Variants in TJAP1 observed in about 807,000 individuals in gnomAD.
TJAP1 encodes the protein tight junction associated protein 1.
In TJAP1, 27 loss-of-function variants were observed where a neutral mutation model predicts 42.0. The observed-to-expected ratio is 0.64, with a 90% confidence interval of 0.47 to 0.89. TJAP1 has a LOEUF of 0.89. Ranked by LOEUF, TJAP1 falls within the 40% of genes least tolerant of loss-of-function variation. The pLI is 0.00. For synonymous variants in TJAP1, 257 were observed against 288.4 expected, an observed-to-expected ratio of 0.89 and a Z score of 1.10; for missense variants, 712 against 726.9, an observed-to-expected ratio of 0.98 and a Z score of 0.24.
chr6:43,483,284 G>A (rs377447321), intron 2 of TJAP1, among the ~76,000 whole-genome samples: 21 of 152,326 alleles, frequency 1.4e-4, no homozygotes, highest in African/African-American at 5.1e-4. Context: ...CATCTGTCCT[G>A]TGCTTCATTG....
At position 43,492,001 on chromosome 6, in the gene TJAP1, G is replaced by A. The variant is rs1484604016; in HGVS notation, c.-121-5880G>A. 1.3e-5 allele frequency among the ~76,000 whole-genome samples: 2 copies of A among 152,202 alleles called. No individual in the cohort carries two copies. Among genetic ancestry groups the A allele is most frequent in the Non-Finnish European group, 2.9e-5 (2 of 68,038 alleles). On this transcript the variant is annotated intron_variant, in intron 2 of 10. Coordinates refer to ENST00000372449, the Ensembl canonical transcript of TJAP1. The surrounding 1 kb of genome is among the most constrained non-coding windows in gnomAD (Gnocchi z 4.2). ...CTTCACTTTGGCCTTTCTTAGGAGA[G>A]GGCATGGGGTCTAATGTCAAATGCA... is the stretch of plus-strand genomic sequence containing the variant.
At chr6:43,499,495 C>A (rs1197735967) in intron 4 of TJAP1, among the ~76,000 whole-genome samples, 1 of 152,244 alleles carries the variant, frequency 6.6e-6, no homozygotes, top group Non-Finnish European at 1.5e-5. Flanking sequence ...GTGCTACAGC[C>A]ACTTCCCACC....
chr6:43,504,379 T>C, intron 10 of TJAP1: 1 of 244,320 alleles, frequency 4.1e-6, no homozygotes, highest in Non-Finnish European at 8.0e-6. Flanking sequence ...CCTCCCAAAG[T>C]GCTGGGATTA....
rs367754806 is a variant in TJAP1 at position 43,504,160 on chromosome 6, GC to G, written c.579+455del. On this transcript the variant is annotated intron_variant, in intron 10 of 10. Transcript: ENST00000372449. ...GACGGAGTCTTGCTCTGTCACCTAG[GC>G]TGGAGTGCAGTGGCACAATCTCGGC... is the stretch of plus-strand genomic sequence containing the variant. The G allele has an allele frequency of 3.2e-3, 911 of 284,844 alleles. 8 individuals carry two copies. The highest frequency in any genetic ancestry group is 0.018 in the African/African-American group (812 of 45,286). The allele number at this position is 284,844 out of a possible 1,614,324, so 17.6% of individuals were successfully genotyped here.
Position 43,505,565 on chromosome 6 carries a change from G to T in TJAP1, c.1384G>T (p.Ala462Ser), listed in dbSNP as rs61745288. Residue 462 changes from alanine to serine, a missense_variant, in exon 11 of 11, where the codon GCC becomes TCC. Ala to Ser is a moderately conservative substitution (Grantham distance 99, BLOSUM62 1). This residue lies in a region of TJAP1 where 549 missense variants were observed against 528.2 expected (regional missense o/e 1.04). Transcript: ENST00000372449. The surrounding 1 kb of genome is among the most constrained non-coding windows in gnomAD (Gnocchi z 5.5). The stretch of plus-strand genomic sequence containing the variant: ...AGATGAGGTGGTCCAGGCACCTTCT[G>T]CCCGACCCGAAGAGAGTGAGCTTTT... The T allele has an allele frequency of 2.5e-6, 4 of 1,613,762 alleles. No homozygotes were observed. The South Asian group carries it at 4.4e-5, about 18-fold the overall frequency.
At chr6:43,501,674 G>T in exon 6 of TJAP1, 1 of 1,189,274 alleles carries the variant, frequency 8.4e-7, no homozygotes, top group African/African-American at 1.5e-5. Context: ...CAAATTTAAG[G>T]ATAAGTTCCG....
rs926414373 is a variant in TJAP1 at position 43,491,537 on chromosome 6, G to A, written c.-121-6344G>A. On this transcript the variant is annotated intron_variant, in intron 2 of 10. Coordinates refer to ENST00000372449, the Ensembl canonical transcript of TJAP1. This position sits in a 1 kb window ranked among gnomAD's most constrained non-coding sequence, Gnocchi z 4.6. Reference sequence around the variant, plus strand: ...ACTCCCGACCTCAGGTGATCTGCCCGCCTTGGCCTCCCAAAGTGTTGGGAT... The same window carrying A: ...ACTCCCGACCTCAGGTGATCTGCCCACCTTGGCCTCCCAAAGTGTTGGGAT... Among the ~76,000 whole-genome samples, 4 of 152,104 alleles carry A rather than the reference G, an allele frequency of 2.6e-5. No individual in the cohort carries two copies. The highest frequency in any genetic ancestry group is 7.2e-5 in the African/African-American group (3 of 41,414).
At chr6:43,502,088 T>TCTCC (rs1791018596) in intron 6 of TJAP1, among the ~76,000 whole-genome samples, 195 bp from the exon 7 acceptor site, 1 of 145,664 alleles carries the variant, frequency 6.9e-6, no homozygotes, top group Non-Finnish European at 1.5e-5. Flanking sequence ...TCTCTCTCTC[T>TCTCC]CTCTCTCTCT....
intron 7 of TJAP1, 113 bp downstream of exon 7, chr6:43,502,462 T>A: frequency 6.7e-7 from 1 of 1,491,010 alleles, no homozygotes; most frequent in South Asian, 1.2e-5. Flanking sequence ...GATGGTGGGA[T>A]GGGGCAGTGG....
At position 43,505,737 on chromosome 6, in the gene TJAP1, C is replaced by A; in HGVS notation, c.1556C>A (p.Ala519Asp). The change falls in exon 11 of 11, where the codon GCC becomes GAC. Residue 519 changes from alanine to aspartate, a missense_variant. This residue lies in a region of TJAP1 where 549 missense variants were observed against 528.2 expected (regional missense o/e 1.04). Transcript: ENST00000372449. The surrounding 1 kb of genome is among the most constrained non-coding windows in gnomAD (Gnocchi z 5.5). Reference sequence around the variant, plus strand: ...GGCACTTCCCACACCGAGGGCAGGGCCTGGCCACTCCCCAGCTCCAGTCGC... The same window carrying A: ...GGCACTTCCCACACCGAGGGCAGGGACTGGCCACTCCCCAGCTCCAGTCGC... 6.5e-7 allele frequency: 1 copy of A among 1,538,332 alleles called. No homozygotes were observed. The highest frequency in any genetic ancestry group is 8.7e-7 in the Non-Finnish European group (1 of 1,146,252).
chr6:43,503,749 G>A lies in TJAP1; in HGVS notation c.579+43G>A, dbSNP rs375826513. The stretch of plus-strand genomic sequence containing the variant: ...CCTCCCTGCCCACATAGACCATTCC[G>A]GCCACTGTAGGACTCCTCTAACTCC... On this transcript the variant is annotated intron_variant, in intron 10 of 10. Transcript: ENST00000372449. The A allele has an allele frequency of 4.5e-6, 7 of 1,548,188 alleles. No individual in the cohort carries two copies. The African/African-American group carries it at 5.4e-5, about 12-fold the overall frequency.
intron 8 of TJAP1, 32 bp downstream of exon 8, chr6:43,502,649 G>T (rs1791212191): frequency 6.4e-7 from 1 of 1,551,462 alleles, no homozygotes; most frequent in Non-Finnish European, 8.7e-7. Context: ...CTTCTCCCTT[G>T]CCCTGGCCTT....
At chr6:43,487,202 C>T (rs1786731049) in intron 2 of TJAP1, among the ~76,000 whole-genome samples, 1 of 152,168 alleles carries the variant, frequency 6.6e-6, no homozygotes, top group Non-Finnish European at 1.5e-5. Flanking sequence ...TGAGAAGCTT[C>T]TGTGCTGTGG....
chr6:43,479,453 G>A (rs571887235), intron 2 of TJAP1, among the ~76,000 whole-genome samples: 12 of 152,312 alleles, frequency 7.9e-5, no homozygotes, highest in African/African-American at 2.4e-4. Flanking sequence ...AATTGTAATT[G>A]TAATCACCCA....
rs751150485 is a variant in TJAP1 at position 43,505,380 on chromosome 6, C to T, written c.1199C>T (p.Pro400Leu). Reference sequence around the variant, plus strand: ...CCAGCACCCCTAACACTCAGTGCCCCAGCTAGCTCTGCCAGCTCTGAAGAG... The same window carrying T: ...CCAGCACCCCTAACACTCAGTGCCCTAGCTAGCTCTGCCAGCTCTGAAGAG... Residue 400 changes from proline (P) to leucine (L), a missense_variant, in exon 11 of 11, where the codon CCA becomes CTA. Pro to Leu is a moderately conservative substitution (Grantham distance 98, BLOSUM62 -3). Coordinates refer to ENST00000372449, the Ensembl canonical transcript of TJAP1. The surrounding 1 kb of genome is among the most constrained non-coding windows in gnomAD (Gnocchi z 5.5). 1.2e-6 allele frequency: 2 copies of T among 1,610,574 alleles called. No homozygotes were observed. The highest frequency in any genetic ancestry group is 1.3e-5 in the African/African-American group (1 of 74,904).
In TJAP1 at chr6:43,503,717, C is replaced by T; in HGVS notation, c.579+11C>T. ...CACAAGTTTGCCGATGTGAGTAGAA[C>T]TCACCCCCTCCCTGCCCACATAGAC... On this transcript the variant is annotated intron_variant, in intron 10 of 10. Coordinates refer to ENST00000372449, the Ensembl canonical transcript of TJAP1. The T allele has an allele frequency of 6.2e-7, 1 of 1,612,910 alleles. No homozygotes were observed. Among genetic ancestry groups the T allele is most frequent in the Non-Finnish European group, 8.5e-7 (1 of 1,178,902 alleles).
intron 2 of TJAP1, chr6:43,497,137 A>G (rs1175733806): frequency 1.3e-5 from 2 of 152,266 alleles, no homozygotes; most frequent in South Asian, 2.1e-4. Context: ...GAGTTGCCCT[A>G]TGGTTGTGGG....
chr6:43,500,941 T>C, intron 5 of TJAP1, 169 bp downstream of exon 5: 1 of 746,754 alleles, frequency 1.3e-6, no homozygotes, highest in South Asian at 1.7e-5. Flanking sequence ...ATATTTTTTC[T>C]GGAAAATGGG....
intron 2 of TJAP1, among the ~76,000 whole-genome samples, chr6:43,494,521 G>A (rs9462899): frequency 0.02 from 2,656 of 131,654 alleles, 95 homozygotes; most frequent in African/African-American, 0.07. Context: ...GGGCATAGCT[G>A]TTCTTACAGA....
Sources: allele counts gnomAD v4.1 joint callset (sites outside exome capture counted in the v4.1 genomes callset), GRCh38; gene constraint gnomAD v4.1.1; regional missense constraint gnomAD v4.1.1; non-coding constraint Gnocchi (gnomAD v3.1); transcripts MANE v1.5; gene names NCBI Gene and HGNC (gene_info 2026-07-23, HGNC 2026-07-21).